Variants in RARB observed in about 807,000 individuals in gnomAD.
RARB encodes the protein HBV-activated protein.
Under a neutral mutation model 51.9 loss-of-function variants are expected in RARB, and 17 were observed. The ratio of observed to expected loss-of-function variants is 0.33; its 90% CI spans 0.22 to 0.49. The LOEUF (loss-of-function observed/expected upper bound fraction) is 0.49. Ranked by LOEUF, RARB falls within the 20% of genes least tolerant of loss-of-function variation. The pLI is 0.99. For synonymous variants in RARB, 215 were observed against 195.4 expected (o/e 1.10, Z -0.84); for missense variants, 369 against 550.8 (o/e 0.67, Z 3.30).
At chr3:24,842,278 G>A (rs1030655948) in intron 1 of RARB, among the ~76,000 whole-genome samples, 2 of 152,108 alleles carry the variant, frequency 1.3e-5, no homozygotes, top group Admixed American at 1.3e-4. Flanking sequence ...CAAAGCTATA[G>A]TTAGGTCAGC....
At chr3:25,035,319 G>T (rs149530731) in intron 2 of RARB, among the ~76,000 whole-genome samples, 1 of 151,344 alleles carries the variant, frequency 6.6e-6, no homozygotes, top group South Asian at 2.1e-4. Context: ...ACAGGGTTTC[G>T]CCATGTTGCC....
chr3:25,283,948 C>T (rs771949198), intron 5 of RARB, among the ~76,000 whole-genome samples: 2 of 152,188 alleles, frequency 1.3e-5, no homozygotes, highest in Non-Finnish European at 2.9e-5. Context: ...GACCTAGTGA[C>T]TTTCTCCTAA....
chr3:25,435,294 C>T (rs1708385662), intron 1 of RARB, among the ~76,000 whole-genome samples: 1 of 152,082 alleles, frequency 6.6e-6, no homozygotes, highest in Non-Finnish European at 1.5e-5. Flanking sequence ...GGTAAAAGAA[C>T]AAATAAGATG....
chr3:25,532,584 A>T (rs1022456615), intron 3 of RARB, among the ~76,000 whole-genome samples: 1 of 152,210 alleles, frequency 6.6e-6, no homozygotes, highest in Admixed American at 6.5e-5. Context: ...TTGCCTCCCA[A>T]GAGTGTTTGA....
At chr3:24,868,958 C>G (rs115532694) in intron 2 of RARB, among the ~76,000 whole-genome samples, 3,575 of 152,208 alleles carry the variant, frequency 0.023, 81 homozygotes, top group Middle Eastern at 0.058. Context: ...ACTCTGACCA[C>G]CTTGGGCACA....
intron 5 of RARB, among the ~76,000 whole-genome samples, chr3:25,400,256 T>G (rs990125494): frequency 6.6e-6 from 1 of 152,152 alleles, no homozygotes; most frequent in Non-Finnish European, 1.5e-5. Flanking sequence ...CACACAAAAG[T>G]TACCAGGAGT....
At chr3:25,394,478 C>G (rs574587546) in intron 5 of RARB, among the ~76,000 whole-genome samples, 1 of 152,246 alleles carries the variant, frequency 6.6e-6, no homozygotes, top group African/African-American at 2.4e-5. Context: ...GATGACCTAT[C>G]TAGCACTGTG....
chr3:24,918,258 A>C (rs946710062), intron 2 of RARB, among the ~76,000 whole-genome samples: 4 of 152,202 alleles, frequency 2.6e-5, no homozygotes, highest in Non-Finnish European at 5.9e-5. Flanking sequence ...TTGAACTGCA[A>C]CCTGACTTGG....
chr3:24,862,405 C>T lies in RARB; in HGVS notation c.-380+3653C>T, dbSNP rs532517712. Among the ~76,000 whole-genome samples the T allele has an allele frequency of 2.0e-5, 3 of 152,250 alleles. No individual in the cohort carries two copies. In the South Asian group the frequency reaches 6.2e-4, roughly 32 times the overall value. Reference sequence around the variant, plus strand: ...TGGTGAGGAAGTACAGTCATCCCTCCTTATCCATGTTTTTGCCTTCCACAG... The same window carrying T: ...TGGTGAGGAAGTACAGTCATCCCTCTTTATCCATGTTTTTGCCTTCCACAG... On this transcript the variant is annotated intron_variant, in intron 2 of 11. Coordinates refer to the RARB transcript ENST00000383772.
At chr3:24,972,619 G>T in intron 2 of RARB, among the ~76,000 whole-genome samples, 1 of 151,832 alleles carries the variant, frequency 6.6e-6, no homozygotes, top group Non-Finnish European at 1.5e-5. Context: ...GTGGTACAAG[G>T]GTTCCCCTTT....
At chr3:24,983,625 C>G (rs924457711) in intron 2 of RARB, among the ~76,000 whole-genome samples, 5 of 152,210 alleles carry the variant, frequency 3.3e-5, no homozygotes, top group Admixed American at 1.3e-4. Context: ...TGAGTGAGAA[C>G]CTTTATCTTA....
chr3:24,915,645 C>T (rs1695092454), intron 2 of RARB, among the ~76,000 whole-genome samples: 1 of 152,146 alleles, frequency 6.6e-6, no homozygotes, highest in Admixed American at 6.5e-5. Context: ...CATTTTCAGA[C>T]TTCATGTATG....
intron 2 of RARB, among the ~76,000 whole-genome samples, chr3:24,944,455 A>T (rs898221067): frequency 6.6e-6 from 1 of 152,228 alleles, no homozygotes; most frequent in Non-Finnish European, 1.5e-5. Flanking sequence ...GCGTGTTCTT[A>T]GGCATTGCCT....
rs181689253 is a variant in RARB at position 24,831,965 on chromosome 3, A to C, written c.-459+2562A>C. On this transcript the variant is annotated intron_variant, in intron 1 of 11. Coordinates refer to the RARB transcript ENST00000383772. ...AATTTTCTGAAAGTGAGAAGGAAGG[A>C]GTTTATTGGAAGAAGTTCAAAACAA... 2.2e-4 allele frequency among the ~76,000 whole-genome samples: 34 copies of C among 152,330 alleles called. 1 individual carries two copies. In the East Asian group the frequency reaches 4.4e-3, roughly 20 times the overall value.
At chr3:25,490,173 T>G (rs1239704277) in intron 2 of RARB, among the ~76,000 whole-genome samples, 1 of 152,122 alleles carries the variant, frequency 6.6e-6, no homozygotes, top group African/African-American at 2.4e-5. Context: ...TCCTTTTTAC[T>G]CCAGGTTCGG....
chr3:24,835,239 A>G (rs1702329521), intron 1 of RARB, among the ~76,000 whole-genome samples: 1 of 152,218 alleles, frequency 6.6e-6, no homozygotes, highest in South Asian at 2.1e-4. Context: ...ACCTATGCCA[A>G]TAAGTAAACA....
In RARB at chr3:25,594,442, G is replaced by A. The variant is rs184659921; in HGVS notation, c.992-78G>A. The stretch of plus-strand genomic sequence containing the variant: ...TTACCAAATTAATGAACTCATAACA[G>A]TAGGAATAAGGAAACAAGGAAGAGG... On this transcript the variant is annotated intron_variant, in intron 6 of 7. Coordinates refer to ENST00000330688, the MANE Select transcript of RARB (RefSeq NM_000965.5). 36 of 1,403,270 alleles carry A rather than the reference G, an allele frequency of 2.6e-5. No individual in the cohort carries two copies. The African/African-American group carries it at 4.9e-4, about 19-fold the overall frequency. The allele number at this position is 1,403,270 out of a possible 1,614,324, so 86.9% of individuals were successfully genotyped here.
At chr3:25,020,634 T>C (rs916267440) in intron 2 of RARB, among the ~76,000 whole-genome samples, 4 of 152,120 alleles carry the variant, frequency 2.6e-5, no homozygotes, top group African/African-American at 7.2e-5. Context: ...AGAAATGTAA[T>C]ATGGTGTTTG....
intron 3 of RARB, among the ~76,000 whole-genome samples, chr3:25,514,380 C>T (rs1698054316): frequency 3.3e-5 from 5 of 152,166 alleles, no homozygotes; most frequent in Admixed American, 3.3e-4. Context: ...TGAAGACAGG[C>T]ATCTTTTAGT....
Sources: allele counts gnomAD v4.1 joint callset (sites outside exome capture counted in the v4.1 genomes callset), GRCh38; gene constraint gnomAD v4.1.1; transcripts MANE v1.5; gene names NCBI Gene and HGNC (gene_info 2026-07-23, HGNC 2026-07-21).